RPRD1A: variants seen among roughly 807,000 people sequenced by gnomAD.
RPRD1A encodes regulation of nuclear pre-mRNA domain-containing protein 1A.
RPRD1A carries 9 observed loss-of-function variants against 37.8 expected under a neutral mutation model. The ratio of observed to expected loss-of-function variants is 0.24; its 90% CI spans 0.14 to 0.42. The LOEUF (loss-of-function observed/expected upper bound fraction) is 0.42, where lower values mean the gene tolerates loss of function less well. RPRD1A is among the 10% of genes least tolerant of loss of function. The probability of loss-of-function intolerance (pLI) is 1.00; values close to 1 mark genes in which losing one functional copy is unlikely to be tolerated. For missense variants in RPRD1A, 255 were observed against 371.0 expected, an observed-to-expected ratio of 0.69 and a Z score of 2.57; for synonymous variants, 138 against 139.7, an observed-to-expected ratio of 0.99 and a Z score of 0.08.
chr18:36,040,775 T>C (rs1912524018), intron 1 of RPRD1A: 1 of 1,346,574 alleles, frequency 7.4e-7, no homozygotes, highest in Admixed American at 2.2e-5. Flanking sequence ...AAGTGGTACT[T>C]ACATAGAAGA....
At chr18:36,042,370 A>G (rs1012125032) in intron 1 of RPRD1A, among the ~76,000 whole-genome samples, 1 of 152,226 alleles carries the variant, frequency 6.6e-6, no homozygotes, top group Non-Finnish European at 1.5e-5. Context: ...AATCAAACCC[A>G]ACAGCTAGCT....
At chr18:36,055,906 A>G (rs910773074) in intron 1 of RPRD1A, among the ~76,000 whole-genome samples, 1 of 152,198 alleles carries the variant, frequency 6.6e-6, no homozygotes, top group Non-Finnish European at 1.5e-5. Context: ...GAAAAACTTA[A>G]GGTAGCATTT....
intron 6 of RPRD1A, among the ~76,000 whole-genome samples, chr18:36,002,648 A>G (rs1046167864): frequency 5.3e-5 from 8 of 152,002 alleles, no homozygotes; most frequent in African/African-American, 1.9e-4. Context: ...TTTCTGTTAG[A>G]CCCCTTAACA....
intron 6 of RPRD1A, among the ~76,000 whole-genome samples, chr18:36,009,240 T>G (rs915396805): frequency 1.3e-5 from 2 of 152,112 alleles, no homozygotes; most frequent in Non-Finnish European, 1.5e-5. Context: ...TCCCAGCAAC[T>G]GGTTTTCCAT....
intron 4 of RPRD1A, among the ~76,000 whole-genome samples, chr18:36,030,111 A>G (rs552617553): frequency 1.3e-5 from 2 of 151,470 alleles, no homozygotes; most frequent in East Asian, 3.9e-4. Flanking sequence ...CGGCCACTCT[A>G]ACACTACTTT....
intron 2 of RPRD1A, among the ~76,000 whole-genome samples, chr18:36,033,299 C>CCAAAAAAAAAAAAAAA (rs1348356259): frequency 2.9e-4 from 22 of 75,924 alleles, no homozygotes; most frequent in African/African-American, 1.2e-3. Flanking sequence ...GACTCTGTCT[C>CCAAAAAAAAAAAAAAA]AAAAAAAAAA....
chr18:36,026,843 T>C (rs1911402444), intron 6 of RPRD1A, 57 bp downstream of exon 6: 2 of 1,493,258 alleles, frequency 1.3e-6, no homozygotes, highest in Non-Finnish European at 1.8e-6. Context: ...TATTTTAAAA[T>C]TCCTAACAAA....
intron 1 of RPRD1A, among the ~76,000 whole-genome samples, chr18:36,048,969 T>C: frequency 6.6e-6 from 1 of 152,198 alleles, no homozygotes; most frequent in Non-Finnish European, 1.5e-5. Context: ...TGGCATGATC[T>C]CAGCTCACTG....
chr18:36,047,249 A>T (rs1253364274), intron 1 of RPRD1A, among the ~76,000 whole-genome samples: 1 of 151,636 alleles, frequency 6.6e-6, no homozygotes, highest in Non-Finnish European at 1.5e-5. Context: ...AGCAAGAGCC[A>T]TCATAAAAAT....
At chr18:36,040,228 T>C (rs1166471648) in intron 1 of RPRD1A, among the ~76,000 whole-genome samples, 1 of 152,214 alleles carries the variant, frequency 6.6e-6, no homozygotes, top group Non-Finnish European at 1.5e-5. Context: ...TAAGATCTCA[T>C]GCCACTCATA....
intron 6 of RPRD1A, 129 bp downstream of exon 6, chr18:36,026,771 A>G: frequency 3.0e-6 from 2 of 663,710 alleles, no homozygotes; most frequent in East Asian, 2.8e-5. Flanking sequence ...GGAGAAGCTT[A>G]CCTGGGCTAC....
chr18:36,015,644 A>T (rs1910506162), intron 6 of RPRD1A, among the ~76,000 whole-genome samples: 2 of 152,250 alleles, frequency 1.3e-5, no homozygotes, highest in Admixed American at 1.3e-4. Context: ...GGCCTTAAAA[A>T]GGAAGGAAAT....
intron 1 of RPRD1A, among the ~76,000 whole-genome samples, chr18:36,061,014 C>T (rs2088897920): frequency 6.6e-6 from 1 of 152,054 alleles, no homozygotes; most frequent in Non-Finnish European, 1.5e-5. Flanking sequence ...CAAAGGCTGA[C>T]CATTTCCAGG....
At position 36,017,854 on chromosome 18, in the gene RPRD1A, G is replaced by A. The variant is rs1455765983; in HGVS notation, c.789+9046C>T. On this transcript the variant is annotated intron_variant, in intron 6 of 6. Transcript: ENST00000399022. ...GACTCTGGTTTCATCTGTAGCTCCCGCTCTTCCACTAGATGGCACTATTAC... is the reference window on the plus strand; with the variant it reads ...GACTCTGGTTTCATCTGTAGCTCCCACTCTTCCACTAGATGGCACTATTAC... Among the ~76,000 whole-genome samples, 4 of 152,076 alleles carry A rather than the reference G, an allele frequency of 2.6e-5. No homozygotes were observed. In the South Asian group the frequency reaches 8.3e-4, roughly 32 times the overall value.
chr18:36,021,217 C>T (rs759160306), intron 6 of RPRD1A, among the ~76,000 whole-genome samples: 1 of 152,142 alleles, frequency 6.6e-6, no homozygotes, highest in Non-Finnish European at 1.5e-5. Flanking sequence ...CATTTTAATA[C>T]ACTTTCAAGA....
At chr18:36,045,578 A>G (rs1384142241) in intron 1 of RPRD1A, among the ~76,000 whole-genome samples, 4 of 152,244 alleles carry the variant, frequency 2.6e-5, no homozygotes. Context: ...TAAATAGTAA[A>G]TGAAGAATTT....
At chr18:35,999,946 T>A (rs1909316281) in intron 6 of RPRD1A, among the ~76,000 whole-genome samples, 1 of 152,186 alleles carries the variant, frequency 6.6e-6, no homozygotes, top group Non-Finnish European at 1.5e-5. Context: ...TTAGGATCCA[T>A]CACCATTTAC....
Position 35,992,494 on chromosome 18 carries a change from T to G in RPRD1A, c.*657A>C, listed in dbSNP as rs1048646718. 6.6e-6 allele frequency: 1 copy of G among 152,014 alleles called. No individual in the cohort carries two copies. Among genetic ancestry groups the G allele is most frequent in the African/African-American group, 2.4e-5 (1 of 41,384 alleles). 9.4% of individuals were successfully genotyped at this position (152,014 alleles called of 1,614,324 possible). A position where few individuals can be genotyped will look rare whatever the true frequency, so the allele number is the denominator to read the frequency against. The stretch of plus-strand genomic sequence containing the variant: ...CAGTTTAATCAAGGGAGTCACTATT[T>G]AACACTTTTAAAATCTACACTGGCA... On this transcript the variant is annotated 3_prime_UTR_variant, in exon 7 of 7. Coordinates refer to ENST00000399022, the MANE Select transcript of RPRD1A (RefSeq NM_018170.5).
At chr18:36,014,852 T>A (rs1910404736) in intron 6 of RPRD1A, among the ~76,000 whole-genome samples, 1 of 152,108 alleles carries the variant, frequency 6.6e-6, no homozygotes. Context: ...GTGTTCAATA[T>A]CATTAATTAT....
Sources: gnomAD v4.1 joint callset for allele counts (sites outside exome capture counted in the v4.1 genomes callset) on GRCh38, gnomAD v4.1.1 for gene constraint, MANE v1.5 for transcripts, NCBI Gene and HGNC (gene_info 2026-07-23, HGNC 2026-07-21) for gene names.